PREP: variants seen among roughly 807,000 people sequenced by gnomAD.
PREP encodes the protein prolyl endopeptidase, also known as dJ355L5.1 (prolyl endopeptidase).
In PREP, 29 loss-of-function variants were observed where a neutral mutation model predicts 87.6. That is an observed-to-expected ratio of 0.33 (90% CI 0.25 to 0.45). The LOEUF (loss-of-function observed/expected upper bound fraction) is 0.45, where lower values mean the gene tolerates loss of function less well. Among genes scored for constraint, PREP ranks in the 20% least tolerant of loss-of-function variants. The pLI is 1.00. For missense variants in PREP, 695 were observed against 886.5 expected, an observed-to-expected ratio of 0.78 and a Z score of 2.74; for synonymous variants, 337 against 328.6, an observed-to-expected ratio of 1.03 and a Z score of -0.28.
At chr6:105,305,729 C>A (rs1179548913) in intron 10 of PREP, among the ~76,000 whole-genome samples, 2 of 152,058 alleles carry the variant, frequency 1.3e-5, no homozygotes, top group African/African-American at 2.4e-5. Flanking sequence ...TTTTGACAGC[C>A]CAGACATGCC....
chr6:105,294,084 A>C (rs1770358116), intron 10 of PREP, among the ~76,000 whole-genome samples: 1 of 152,114 alleles, frequency 6.6e-6, no homozygotes, highest in Non-Finnish European at 1.5e-5. Flanking sequence ...CCTTGCTTCC[A>C]TTTGCTTCCC....
intron 10 of PREP, among the ~76,000 whole-genome samples, chr6:105,304,276 G>C (rs567500978): frequency 1.3e-5 from 2 of 152,316 alleles, no homozygotes. Context: ...TGCAAATGCC[G>C]TGCCATTTTA....
intron 2 of PREP, among the ~76,000 whole-genome samples, chr6:105,393,076 C>G (rs1773198227): frequency 1.3e-5 from 2 of 152,166 alleles, no homozygotes; most frequent in South Asian, 4.1e-4. Flanking sequence ...AGCAGAAAAG[C>G]AGCATGAACA....
chr6:105,369,773 T>C (rs1211140095), intron 5 of PREP, among the ~76,000 whole-genome samples: 1 of 151,916 alleles, frequency 6.6e-6, no homozygotes, highest in Admixed American at 6.6e-5. Flanking sequence ...CATAAAACTA[T>C]AAAATTCCTA....
chr6:105,337,387 T>C (rs560585007), intron 7 of PREP, among the ~76,000 whole-genome samples: 8 of 152,332 alleles, frequency 5.3e-5, no homozygotes, highest in African/African-American at 1.7e-4. Context: ...TTGGACCTCA[T>C]TGGTACAACC....
intron 10 of PREP, among the ~76,000 whole-genome samples, chr6:105,311,553 C>T (rs2114634986): frequency 6.6e-6 from 1 of 152,368 alleles, no homozygotes; most frequent in East Asian, 1.9e-4. Flanking sequence ...TTCTCGGCTG[C>T]AGTCTTTGTT....
At chr6:105,312,823 T>C (rs188573227) in intron 10 of PREP, among the ~76,000 whole-genome samples, 2 of 152,160 alleles carry the variant, frequency 1.3e-5, no homozygotes, top group Non-Finnish European at 2.9e-5. Flanking sequence ...GGATGGGTCA[T>C]GGAGAAACGA....
At position 105,353,002 on chromosome 6, in the gene PREP, C is replaced by T; in HGVS notation, c.793G>A (p.Asp265Asn). 1 of 1,613,934 alleles carries T rather than the reference C, an allele frequency of 6.2e-7. No individual in the cohort carries two copies. The highest frequency in any genetic ancestry group is 8.5e-7 in the Non-Finnish European group (1 of 1,179,910). ...CDPVNRLWYC[D>N]LQQESSGIAG... is the part of the protein sequence containing the mutation. ...ATGCCACTGGATTCCTGCTGTAGGTCACAGTACCAGAGTCGGTTTACTGGA... is the reference window on the plus strand; with the variant it reads ...ATGCCACTGGATTCCTGCTGTAGGTTACAGTACCAGAGTCGGTTTACTGGA... Residue 265 changes from aspartate (D) to asparagine (N), a missense_variant, in exon 7 of 15, where the codon GAC becomes AAC. Physicochemically the swap from Asp to Asn is conservative, Grantham distance 23. Transcript: ENST00000652536.
At chr6:105,332,773 C>T (rs1383460929) in intron 8 of PREP, among the ~76,000 whole-genome samples, 4 of 152,134 alleles carry the variant, frequency 2.6e-5, no homozygotes, top group Admixed American at 1.3e-4. Flanking sequence ...CTCTGTGAAA[C>T]ACGACTGATA....
At chr6:105,366,172 G>A (rs1442617856) in intron 6 of PREP, among the ~76,000 whole-genome samples, 3 of 152,122 alleles carry the variant, frequency 2.0e-5, no homozygotes, top group Non-Finnish European at 2.9e-5. Flanking sequence ...CAGGAAAATC[G>A]CTTGAACCCG....
chr6:105,388,223 C>T (rs982322614), intron 2 of PREP, among the ~76,000 whole-genome samples: 2 of 152,194 alleles, frequency 1.3e-5, no homozygotes, highest in Admixed American at 6.5e-5. Flanking sequence ...CACACACCCA[C>T]AGCTTGGCCA....
At chr6:105,285,460 G>C (rs745394123) in intron 12 of PREP, 26 bp downstream of exon 12, 6 of 1,581,874 alleles carry the variant, frequency 3.8e-6, no homozygotes, top group East Asian at 4.5e-5. Context: ...TGTCAGACTT[G>C]TGTTTCTGTA....
At chr6:105,284,879 G>A (rs562470155) in intron 12 of PREP, among the ~76,000 whole-genome samples, 1 of 152,336 alleles carries the variant, frequency 6.6e-6, no homozygotes, top group South Asian at 2.1e-4. Flanking sequence ...ACATGCTTCA[G>A]GAGGCCACAG....
chr6:105,381,421 GA>G (rs898138494), intron 2 of PREP, among the ~76,000 whole-genome samples: 34 of 148,802 alleles, frequency 2.3e-4, no homozygotes, highest in East Asian at 7.8e-4. Context: ...CTAAATATTA[GA>G]AAAAAAAATT....
intron 13 of PREP, 103 bp from the exon 14 acceptor site, chr6:105,282,005 G>A: frequency 7.3e-7 from 1 of 1,374,744 alleles, no homozygotes; most frequent in Non-Finnish European, 9.8e-7. Context: ...AGCCCTGGTT[G>A]CATTTATCCA....
chr6:105,328,596 C>A (rs1428551756), intron 9 of PREP, among the ~76,000 whole-genome samples: 1 of 152,130 alleles, frequency 6.6e-6, no homozygotes, highest in Non-Finnish European at 1.5e-5. Flanking sequence ...CTGTTCCTGC[C>A]TCCAGAGGAA....
intron 14 of PREP, chr6:105,281,497 T>A: frequency 2.6e-6 from 1 of 391,604 alleles, no homozygotes; most frequent in African/African-American, 2.0e-5. Context: ...AGTGTTTGAA[T>A]AACCAGGGTA....
intron 7 of PREP, among the ~76,000 whole-genome samples, chr6:105,351,764 G>A (rs1771958409): frequency 6.6e-6 from 1 of 152,142 alleles, no homozygotes; most frequent in African/African-American, 2.4e-5. Flanking sequence ...TGCAACTCAC[G>A]CAAACAATTC....
intron 10 of PREP, among the ~76,000 whole-genome samples, chr6:105,311,865 A>G (rs1770767405): frequency 6.6e-6 from 1 of 152,206 alleles, no homozygotes; most frequent in Admixed American, 6.6e-5. Flanking sequence ...CAAACAGGTG[A>G]GCTTTAGGAA....
Sources: gnomAD v4.1 joint callset for allele counts (sites outside exome capture counted in the v4.1 genomes callset) on GRCh38, gnomAD v4.1.1 for gene constraint, MANE v1.5 for transcripts, NCBI Gene and HGNC (gene_info 2026-07-23, HGNC 2026-07-21) for gene names.